FGF14: variants seen among roughly 807,000 people sequenced by gnomAD.
The protein encoded by FGF14 is fibroblast growth factor 14.
Under a neutral mutation model 25.5 loss-of-function variants are expected in FGF14, and 5 were observed. The ratio of observed to expected loss-of-function variants is 0.20; its 90% CI spans 0.10 to 0.41. FGF14 has a LOEUF of 0.41. FGF14 is among the 10% of genes least tolerant of loss of function. The pLI, the probability that FGF14 is intolerant of heterozygous loss-of-function variation, is 1.00. For missense variants in FGF14, 222 were observed against 320.1 expected (o/e 0.69, Z 2.34); for synonymous variants, 138 against 118.3 (o/e 1.17, Z -1.08).
chr13:101,804,817 C>T (rs915458749), intron 3 of FGF14, among the ~76,000 whole-genome samples: 3 of 152,156 alleles, frequency 2.0e-5, no homozygotes, highest in East Asian at 1.9e-4. Context: ...AGAATTGTTT[C>T]GCATTTAAGA....
At chr13:102,087,160 G>A (rs17688570) in intron 1 of FGF14, among the ~76,000 whole-genome samples, 5,308 of 152,252 alleles carry the variant, frequency 0.035, 313 homozygotes, top group East Asian at 0.2. Flanking sequence ...ACTGATATAA[G>A]TTGATGGGAC....
intron 1 of FGF14, among the ~76,000 whole-genome samples, chr13:102,198,968 T>C (rs1321468080): frequency 6.6e-6 from 1 of 152,196 alleles, no homozygotes; most frequent in African/African-American, 2.4e-5. Context: ...ACCCCCAATA[T>C]CCTTATGTCT....
At chr13:102,169,218 A>G (rs1433819442) in intron 1 of FGF14, among the ~76,000 whole-genome samples, 1 of 151,710 alleles carries the variant, frequency 6.6e-6, no homozygotes, top group Admixed American at 6.6e-5. Flanking sequence ...TCACCTGTGG[A>G]GCCCTTTGGC....
At chr13:102,296,189 C>G (rs1445650565) in intron 1 of FGF14, among the ~76,000 whole-genome samples, 2 of 152,084 alleles carry the variant, frequency 1.3e-5, no homozygotes, top group Non-Finnish European at 2.9e-5. Context: ...CTCCCAGGCC[C>G]ACAAAGAAAA....
At chr13:102,146,552 T>A (rs2046864137) in intron 1 of FGF14, among the ~76,000 whole-genome samples, 1 of 152,170 alleles carries the variant, frequency 6.6e-6, no homozygotes, top group Non-Finnish European at 1.5e-5. Context: ...TAGAAGACAC[T>A]CTTTTCCATG....
At chr13:102,161,574 A>ACG (rs370346594) in intron 1 of FGF14, among the ~76,000 whole-genome samples, 57 of 5,314 alleles carry the variant, frequency 0.011, 4 homozygotes, top group Non-Finnish European at 0.016. Context: ...GTGAAGAAAG[A>ACG]AAGAAGAAGA....
chr13:102,350,050 T>C (rs2057230370), intron 1 of FGF14, among the ~76,000 whole-genome samples: 1 of 152,118 alleles, frequency 6.6e-6, no homozygotes, highest in Admixed American at 6.5e-5. Context: ...TGGTGACCTG[T>C]TAAAAACACA....
intron 1 of FGF14, among the ~76,000 whole-genome samples, chr13:102,283,908 T>C (rs942914748): frequency 1.3e-5 from 2 of 152,192 alleles, no homozygotes; most frequent in African/African-American, 4.8e-5. Context: ...TACTGCAGTA[T>C]TGTTGTGGGG....
chr13:101,862,004 A>T (rs1216165883), intron 3 of FGF14, among the ~76,000 whole-genome samples: 2 of 152,194 alleles, frequency 1.3e-5, no homozygotes, highest in Non-Finnish European at 2.9e-5. Flanking sequence ...CCATCACTCT[A>T]GAAGAGGACT....
chr13:101,867,922 ACACACACACACACG>A (rs1358412405), intron 3 of FGF14, among the ~76,000 whole-genome samples: 4 of 150,284 alleles, frequency 2.7e-5, no homozygotes, highest in South Asian at 2.1e-4. Flanking sequence ...ACACACACAC[ACACACACACACACG>A]CGCACACACA....
chr13:101,875,368 C>A, intron 1 of FGF14, 72 bp from the exon 2 acceptor site: 1 of 1,079,754 alleles, frequency 9.3e-7, no homozygotes, highest in South Asian at 1.3e-5. Flanking sequence ...TTCTGTTTCT[C>A]TTTCTTTTTT....
chr13:102,067,300 C>CA (rs1480758868), intron 1 of FGF14, among the ~76,000 whole-genome samples: 10 of 152,212 alleles, frequency 6.6e-5, no homozygotes, highest in Admixed American at 5.9e-4. Flanking sequence ...AGTGACCACT[C>CA]AGCTTGACAA....
chr13:102,378,973 G>A (rs1932777), intron 1 of FGF14, among the ~76,000 whole-genome samples: 54,032 of 151,896 alleles, frequency 0.36, 11,500 homozygotes, highest in African/African-American at 0.6. Flanking sequence ...CCAAAAGAAG[G>A]TACGATCATC....
At chr13:102,082,904 G>A (rs1003271770) in intron 1 of FGF14, among the ~76,000 whole-genome samples, 2 of 151,882 alleles carry the variant, frequency 1.3e-5, no homozygotes, top group African/African-American at 2.4e-5. Flanking sequence ...CTTGCAGTGA[G>A]CCGAGATCCC....
intron 1 of FGF14, chr13:102,395,202 C>T (rs1041258619): frequency 1.3e-5 from 2 of 152,112 alleles, no homozygotes; most frequent in Non-Finnish European, 2.9e-5. Context: ...TTCCAGTTAC[C>T]ATCTTCAGAG....
At chr13:101,868,431 G>A (rs2140446280) in intron 3 of FGF14, 1 of 304,384 alleles carries the variant, frequency 3.3e-6, no homozygotes, top group East Asian at 7.3e-5. Flanking sequence ...AACTCTCTAA[G>A]ATAAGTGCAT....
At chr13:101,931,040 C>A (rs143821190) in intron 1 of FGF14, among the ~76,000 whole-genome samples, 24 of 152,336 alleles carry the variant, frequency 1.6e-4, no homozygotes, top group Non-Finnish European at 2.8e-4. Context: ...GTCCAGTCAT[C>A]TTTCACTTAT....
intron 1 of FGF14, among the ~76,000 whole-genome samples, chr13:102,340,571 C>A (rs998609773): frequency 2.0e-5 from 3 of 152,184 alleles, no homozygotes; most frequent in Non-Finnish European, 4.4e-5. Context: ...CAGAGATTAG[C>A]TCATCAGTCC....
intron 3 of FGF14, among the ~76,000 whole-genome samples, chr13:101,838,488 T>C (rs1403700865): frequency 1.3e-5 from 2 of 152,038 alleles, no homozygotes; most frequent in African/African-American, 4.8e-5. Flanking sequence ...ATATTAAAAT[T>C]TATATTTGAA....
Sources: allele counts gnomAD v4.1 joint callset (sites outside exome capture counted in the v4.1 genomes callset), GRCh38; gene constraint gnomAD v4.1.1; transcripts MANE v1.5; gene names NCBI Gene and HGNC (gene_info 2026-07-23, HGNC 2026-07-21).